The following ASIC2 variants were observed in gnomAD, a reference collection of about 807,000 sequenced individuals.
ASIC2 encodes acid sensing ion channel subunit 2.
Under a neutral mutation model 57.3 loss-of-function variants are expected in ASIC2, and 25 were observed. That is an observed-to-expected ratio of 0.44 (90% confidence interval 0.32 to 0.61). The LOEUF is 0.61. Ranked by LOEUF, ASIC2 falls within the 20% of genes least tolerant of loss-of-function variation. The pLI is 0.06. For synonymous variants in ASIC2, 319 were observed against 307.5 expected (o/e 1.04, Z -0.39); for missense variants, 641 against 738.1 (o/e 0.87, Z 1.52).
At chr17:33,398,149 A>G (rs926082551) in intron 1 of ASIC2, among the ~76,000 whole-genome samples, 4 of 152,156 alleles carry the variant, frequency 2.6e-5, no homozygotes, top group Non-Finnish European at 5.9e-5. Flanking sequence ...CATATAGTTT[A>G]CTTATATACT....
intron 1 of ASIC2, among the ~76,000 whole-genome samples, chr17:33,878,839 G>C (rs1467047814): frequency 1.3e-5 from 2 of 152,170 alleles, no homozygotes; most frequent in African/African-American, 4.8e-5. Flanking sequence ...AGGAAAAAAT[G>C]TTAAGGGCAG....
chr17:33,523,728 T>C (rs1040988028), intron 1 of ASIC2, among the ~76,000 whole-genome samples: 9 of 152,174 alleles, frequency 5.9e-5, no homozygotes, highest in African/African-American at 1.9e-4. Flanking sequence ...CACCCAGTTC[T>C]GTGCTCTGTC....
intron 1 of ASIC2, among the ~76,000 whole-genome samples, chr17:33,799,193 A>G (rs1227858899): frequency 6.6e-6 from 1 of 151,974 alleles, no homozygotes; most frequent in Admixed American, 6.6e-5. Context: ...ACTCAGAGAT[A>G]TATTTGTGTA....
intron 1 of ASIC2, among the ~76,000 whole-genome samples, chr17:33,679,819 G>C (rs984312227): frequency 6.6e-6 from 1 of 152,084 alleles, no homozygotes; most frequent in Non-Finnish European, 1.5e-5. Flanking sequence ...TTGGGGAGCA[G>C]AAAGAAGGTC....
chr17:33,973,919 C>G (rs191004768), intron 1 of ASIC2, among the ~76,000 whole-genome samples: 3 of 152,166 alleles, frequency 2.0e-5, no homozygotes, highest in Non-Finnish European at 2.9e-5. Context: ...CAGGAGAGCT[C>G]GAAACATTTG....
chr17:33,818,922 G>A (rs978682311), intron 1 of ASIC2, among the ~76,000 whole-genome samples: 1 of 152,182 alleles, frequency 6.6e-6, no homozygotes, highest in Non-Finnish European at 1.5e-5. Flanking sequence ...CTTGCTCAAG[G>A]GAGTTGAATC....
At chr17:33,080,845 G>T (rs2092110406) in intron 3 of ASIC2, among the ~76,000 whole-genome samples, 3 of 152,288 alleles carry the variant, frequency 2.0e-5, no homozygotes, top group Admixed American at 6.5e-5. Flanking sequence ...TCCTGGGTGG[G>T]ATGAAGTGGG....
intron 1 of ASIC2, among the ~76,000 whole-genome samples, chr17:33,463,686 C>G (rs1277169259): frequency 1.3e-5 from 2 of 152,156 alleles, no homozygotes; most frequent in Admixed American, 6.5e-5. Flanking sequence ...ACTAGATAGA[C>G]TCTCAGACTC....
chr17:33,073,283 T>A (rs1436248667), intron 3 of ASIC2, among the ~76,000 whole-genome samples: 1 of 152,168 alleles, frequency 6.6e-6, no homozygotes, highest in Non-Finnish European at 1.5e-5. Context: ...AGCTCTGAAA[T>A]GAATTCTCTT....
intron 1 of ASIC2, among the ~76,000 whole-genome samples, chr17:33,667,623 T>A (rs1369505095): frequency 6.6e-6 from 1 of 152,214 alleles, no homozygotes; most frequent in African/African-American, 2.4e-5. Flanking sequence ...TTAACCTTTA[T>A]GAAAACCTGT....
At chr17:33,250,009 G>A (rs903503836) in intron 1 of ASIC2, among the ~76,000 whole-genome samples, 3 of 152,134 alleles carry the variant, frequency 2.0e-5, no homozygotes, top group Admixed American at 2.0e-4. Context: ...GAGGGCATTG[G>A]GAATCAGGGA....
chr17:33,863,723 T>A (rs1292761273), intron 1 of ASIC2, among the ~76,000 whole-genome samples: 9 of 152,202 alleles, frequency 5.9e-5, no homozygotes, highest in Admixed American at 6.5e-5. Context: ...TAAGGAGAAA[T>A]TCTCAAAGTG....
rs180883754 is a variant in ASIC2, at chr17:33,648,268, C to T, written c.555+507710G>A. On this transcript the variant is annotated intron_variant, in intron 1 of 9. Coordinates refer to the ASIC2 transcript ENST00000359872. ...GCTCTGGAAGGTGTGGGATGTTAGGCAGCTCACTTGGTCTCTCTGAGCAGA... is the reference window on the plus strand; with the variant it reads ...GCTCTGGAAGGTGTGGGATGTTAGGTAGCTCACTTGGTCTCTCTGAGCAGA... Among the ~76,000 whole-genome samples, 171 of 152,272 alleles carry T rather than the reference C, an allele frequency of 1.1e-3. 1 individual carries two copies. The highest frequency in any genetic ancestry group is 4.0e-3 in the African/African-American group (166 of 41,540).
chr17:33,342,339 TGTGTGTGTGTAC>T (rs1490109635), intron 1 of ASIC2, among the ~76,000 whole-genome samples: 5 of 118,180 alleles, frequency 4.2e-5, no homozygotes, highest in East Asian at 4.0e-4. Context: ...TGTGTGTACG[TGTGTGTGTGTAC>T]GTGTGTGTGT....
chr17:33,392,196 C>CCT (rs1567846190), intron 1 of ASIC2, among the ~76,000 whole-genome samples: 1,296 of 37,822 alleles, frequency 0.034, 65 homozygotes, highest in East Asian at 0.11. Context: ...CCTTCCTTCC[C>CCT]TCCTTCCTTC....
chr17:33,150,694 CA>C (rs60075249), intron 1 of ASIC2, among the ~76,000 whole-genome samples: 21,550 of 121,990 alleles, frequency 0.18, 2,765 homozygotes, highest in East Asian at 0.25. Flanking sequence ...ACTAAAAATA[CA>C]AAAAATTAGC....
chr17:33,914,727 C>G (rs1240500901), intron 1 of ASIC2, among the ~76,000 whole-genome samples: 2 of 152,180 alleles, frequency 1.3e-5, no homozygotes, highest in Non-Finnish European at 1.5e-5. Flanking sequence ...CAGTCTGACT[C>G]TAAAACACTT....
At chr17:33,109,429 G>A (rs1223230663) in intron 2 of ASIC2, among the ~76,000 whole-genome samples, 3 of 151,962 alleles carry the variant, frequency 2.0e-5, no homozygotes, top group Non-Finnish European at 4.4e-5. Context: ...TCCATCCCCT[G>A]CCCCTGCTTT....
chr17:33,237,373 G>A (rs1032019478), intron 1 of ASIC2, among the ~76,000 whole-genome samples: 6 of 150,376 alleles, frequency 4.0e-5, no homozygotes, highest in African/African-American at 9.8e-5. Flanking sequence ...TTTTTAATAC[G>A]GAGTTGTGCT....
Sources: gnomAD v4.1 joint callset for allele counts (sites outside exome capture counted in the v4.1 genomes callset) on GRCh38, gnomAD v4.1.1 for gene constraint, MANE v1.5 for transcripts, NCBI Gene and HGNC (gene_info 2026-07-23, HGNC 2026-07-21) for gene names.